The following GRK5 variants were observed in gnomAD, a reference collection of about 807,000 sequenced individuals.
GRK5 encodes g protein-coupled receptor kinase GRK5.
GRK5 carries 40 observed loss-of-function variants against 78.4 expected under a neutral mutation model. The ratio of observed to expected loss-of-function variants is 0.51; its 90% CI spans 0.40 to 0.66. The LOEUF is 0.66. Ranked by LOEUF, GRK5 falls within the 30% of genes least tolerant of loss-of-function variation. The probability of loss-of-function intolerance (pLI) is 0.00; values close to 1 mark genes in which losing one functional copy is unlikely to be tolerated. For missense variants in GRK5, 598 were observed against 759.9 expected, an observed-to-expected ratio of 0.79 and a Z score of 2.50; for synonymous variants, 289 against 296.8, an observed-to-expected ratio of 0.97 and a Z score of 0.27.
intron 4 of GRK5, among the ~76,000 whole-genome samples, chr10:119,420,165 G>A (rs1174604624): frequency 1.3e-5 from 2 of 152,124 alleles, no homozygotes; most frequent in African/African-American, 2.4e-5. Context: ...TATAATAATA[G>A]CCACCTCAGG....
At chr10:119,279,931 T>C (rs1465594948) in intron 1 of GRK5, among the ~76,000 whole-genome samples, 2 of 152,160 alleles carry the variant, frequency 1.3e-5, no homozygotes, top group East Asian at 3.8e-4. Context: ...GGAGGGCGCA[T>C]GATGCCTACA....
At chr10:119,215,708 A>G (rs898460108) in intron 1 of GRK5, among the ~76,000 whole-genome samples, 5 of 152,160 alleles carry the variant, frequency 3.3e-5, no homozygotes, top group Non-Finnish European at 5.9e-5. Context: ...AATTTGCCTA[A>G]ATTGAGCAAC....
rs769355139 is a variant in GRK5, at chr10:119,453,149, T to G, written c.1547T>G (p.Ile516Arg). 1 of 1,540,248 alleles carries G rather than the reference T, an allele frequency of 6.5e-7. No individual in the cohort carries two copies. Among genetic ancestry groups the G allele is most frequent in the Admixed American group, 1.7e-5 (1 of 59,928 alleles). ...TTGTTTTCACGGCCCCTCCAGATGA[T>G]AGAAACAGAATGCTTTAAGGAGCTG... ...SVSIPWQNEMIETECFKELNV... is the reference protein window; with the variant it reads ...SVSIPWQNEMRETECFKELNV... The change falls in exon 15 of 16, where the codon ATA becomes AGA. Residue 516 changes from isoleucine (I) to arginine (R), a missense_variant. Transcript: ENST00000392870.
chr10:119,432,380 C>T lies in GRK5; in HGVS notation c.738+853C>T, dbSNP rs187111042. On this transcript the variant is annotated intron_variant, in intron 8 of 15. Coordinates refer to ENST00000392870, the MANE Select transcript of GRK5 (RefSeq NM_005308.3). The stretch of plus-strand genomic sequence containing the variant: ...GGAGGATTGCTTGAACCCAGGATTT[C>T]GAGGCTGCAGTGAACTATGATCGTG... Among the ~76,000 whole-genome samples, 586 of 152,318 alleles carry T rather than the reference C, an allele frequency of 3.8e-3. 8 individuals are homozygous for T. Among genetic ancestry groups the T allele is most frequent in the African/African-American group, 0.013 (557 of 41,560 alleles).
chr10:119,373,479 A>G (rs530936405), intron 2 of GRK5, among the ~76,000 whole-genome samples: 65 of 152,246 alleles, frequency 4.3e-4, no homozygotes, highest in African/African-American at 1.5e-3. Flanking sequence ...TCCCTTGCAA[A>G]CGCTCTGTCT....
At chr10:119,437,545 C>T (rs11198925) in intron 9 of GRK5, among the ~76,000 whole-genome samples, 91,481 of 152,024 alleles carry the variant, frequency 0.6, 28,086 homozygotes, top group Admixed American at 0.63. Flanking sequence ...CATTACACTC[C>T]TCAGGGGATC....
intron 1 of GRK5, among the ~76,000 whole-genome samples, chr10:119,277,943 A>C (rs1486953393): frequency 6.6e-6 from 1 of 152,142 alleles, no homozygotes; most frequent in Non-Finnish European, 1.5e-5. Flanking sequence ...TTTCTTATTG[A>C]GTAGTGACCC....
chr10:119,251,469 G>T (rs191917509), intron 1 of GRK5, among the ~76,000 whole-genome samples: 3 of 152,206 alleles, frequency 2.0e-5, no homozygotes, highest in Non-Finnish European at 1.5e-5. Flanking sequence ...GCTGTCTCCC[G>T]AAGCCTTGGC....
intron 1 of GRK5, among the ~76,000 whole-genome samples, chr10:119,305,652 A>AG (rs1313314894): frequency 6.6e-6 from 1 of 152,126 alleles, no homozygotes; most frequent in African/African-American, 2.4e-5. Flanking sequence ...CGGGTGAAGT[A>AG]GGGGCAGCAA....
chr10:119,370,384 G>A (rs1589769274), intron 2 of GRK5, among the ~76,000 whole-genome samples: 1 of 152,348 alleles, frequency 6.6e-6, no homozygotes, highest in Admixed American at 6.5e-5. Flanking sequence ...ACAAGCACAA[G>A]ACATTCCGTA....
intron 8 of GRK5, among the ~76,000 whole-genome samples, chr10:119,435,181 G>A (rs187642215): frequency 1.3e-5 from 2 of 152,242 alleles, no homozygotes; most frequent in Admixed American, 1.3e-4. Context: ...GATGGGAGGG[G>A]CTGCTGTGAA....
chr10:119,395,920 G>A (rs1056637695), intron 3 of GRK5, among the ~76,000 whole-genome samples: 1 of 152,156 alleles, frequency 6.6e-6, no homozygotes, highest in African/African-American at 2.4e-5. Context: ...GAGGGGTTGG[G>A]ATGGCAGCCC....
chr10:119,330,065 G>A (rs1438075067), intron 2 of GRK5, among the ~76,000 whole-genome samples: 1 of 151,918 alleles, frequency 6.6e-6, no homozygotes, highest in African/African-American at 2.4e-5. Context: ...GTTTTGCCAT[G>A]TTGGCCAGGC....
Position 119,431,188 on chromosome 10 carries a change from G to A in GRK5, c.598-199G>A, listed in dbSNP as rs1368831464. Among the ~76,000 whole-genome samples the A allele has an allele frequency of 6.6e-6, 1 of 152,132 alleles. No individual in the cohort carries two copies. The highest frequency in any genetic ancestry group is 1.5e-5 in the Non-Finnish European group (1 of 68,032). Reference sequence around the variant, plus strand: ...ATCCTTGAAGGAGAGGAGGAGGGAGGGCAAGGGCCCAGGACAGCTGTGGGC... The same window carrying A: ...ATCCTTGAAGGAGAGGAGGAGGGAGAGCAAGGGCCCAGGACAGCTGTGGGC... On this transcript the variant is annotated intron_variant, in intron 7 of 15. Transcript: ENST00000392870. The surrounding 1 kb of genome is among the most constrained non-coding windows in gnomAD (Gnocchi z 4.8).
chr10:119,361,617 G>C (rs539834875), intron 2 of GRK5, among the ~76,000 whole-genome samples: 1 of 152,134 alleles, frequency 6.6e-6, no homozygotes, highest in African/African-American at 2.4e-5. Context: ...AGGAATCCTG[G>C]CTAGGGGCCT....
chr10:119,327,586 C>G (rs1850701306), intron 2 of GRK5, among the ~76,000 whole-genome samples: 1 of 152,236 alleles, frequency 6.6e-6, no homozygotes, highest in South Asian at 2.1e-4. Flanking sequence ...TGCCCCGTGC[C>G]TGCCCTGGAA....
Position 119,452,535 on chromosome 10 carries a change from C to T in GRK5, c.1405-136C>T, listed in dbSNP as rs568386299. On this transcript the variant is annotated intron_variant, in intron 13 of 15. Coordinates refer to ENST00000392870, the MANE Select transcript of GRK5 (RefSeq NM_005308.3). This position sits in a 1 kb window ranked among gnomAD's most constrained non-coding sequence, Gnocchi z 4.4. The stretch of plus-strand genomic sequence containing the variant: ...ACCTGCATCTGAGCCACACACCCTC[C>T]AGCCACTACCCATAGCAGTTCTGGG... 20 of 1,032,074 alleles carry T rather than the reference C, an allele frequency of 1.9e-5. No homozygotes were observed. The highest frequency in any genetic ancestry group is 6.4e-5 in the African/African-American group (4 of 62,878). The allele number at this position is 1,032,074 out of a possible 1,614,324, so 63.9% of individuals were successfully genotyped here.
intron 4 of GRK5, among the ~76,000 whole-genome samples, chr10:119,405,151 C>T (rs1852213418): frequency 6.6e-6 from 1 of 152,096 alleles, no homozygotes; most frequent in Non-Finnish European, 1.5e-5. Context: ...CAAACCCAGT[C>T]CTGGTCCTGC....
intron 1 of GRK5, among the ~76,000 whole-genome samples, chr10:119,229,133 C>T (rs565279345): frequency 6.6e-6 from 1 of 152,078 alleles, no homozygotes; most frequent in African/African-American, 2.4e-5. Context: ...AGGCTTGATG[C>T]GTAAAGTGGC....
Sources: allele counts gnomAD v4.1 joint callset (sites outside exome capture counted in the v4.1 genomes callset), GRCh38; gene constraint gnomAD v4.1.1; non-coding constraint Gnocchi (gnomAD v3.1); transcripts MANE v1.5; gene names NCBI Gene and HGNC (gene_info 2026-07-23, HGNC 2026-07-21).